The following DMD variants were observed in gnomAD, a reference collection of about 807,000 sequenced individuals.
The protein encoded by DMD is mutant dystrophin.
A neutral mutation model predicts 330.1 loss-of-function variants in DMD; 63 were observed. The ratio of observed to expected loss-of-function variants is 0.19; its 90% CI spans 0.16 to 0.24. DMD has a LOEUF of 0.24. DMD is among the 10% of genes least tolerant of loss of function. The pLI is 1.00. For synonymous variants in DMD, 1,223 were observed against 959.8 expected, an observed-to-expected ratio of 1.27 and a Z score of -5.07; for missense variants, 3,344 against 2,684.1, an observed-to-expected ratio of 1.25 and a Z score of -5.43.
At chrX:32,815,520 T>TACACACACACAC (rs1557051739) in intron 6 of DMD, among the ~76,000 whole-genome samples, 7 of 78,916 alleles carry the variant, frequency 8.9e-5, no homozygotes, top group African/African-American at 3.2e-4. Flanking sequence ...TATATATATA[T>TACACACACACAC]ACACACACAC....
intron 4 of DMD, among the ~76,000 whole-genome samples, chrX:32,828,605 A>G (rs1193502073): frequency 1.8e-5 from 2 of 109,955 alleles, no homozygotes; most frequent in African/African-American, 6.6e-5. Flanking sequence ...ACATATATAC[A>G]TATGTATACA....
At chrX:31,951,200 T>C (rs926400705) in intron 45 of DMD, among the ~76,000 whole-genome samples, 1 of 98,936 alleles carries the variant, frequency 1.0e-5, no homozygotes, top group African/African-American at 3.7e-5. Context: ...TTAATAGATA[T>C]CTTATACATA....
At chrX:32,137,352 A>G in intron 44 of DMD, among the ~76,000 whole-genome samples, 1 of 111,986 alleles carries the variant, frequency 8.9e-6, no homozygotes, top group East Asian at 2.8e-4. Context: ...ACAGTATAGA[A>G]ACCTAGGGAT....
chrX:31,894,769 C>A (rs73619013), intron 47 of DMD, among the ~76,000 whole-genome samples: 1 of 111,405 alleles, frequency 9.0e-6, no homozygotes, highest in South Asian at 3.7e-4. Flanking sequence ...GTAGATACTG[C>A]GACTTTGTAA....
At chrX:33,019,175 C>G (rs1489157335) in intron 2 of DMD, among the ~76,000 whole-genome samples, 1 of 111,388 alleles carries the variant, frequency 9.0e-6, no homozygotes, top group African/African-American at 3.3e-5. Flanking sequence ...AAATCAGACC[C>G]ATAGAGGGAG....
Position 31,836,718 on chromosome X carries a change from C to T in DMD, c.7200G>A (p.Lys2400=). The change falls in exon 49 of 79, where the codon AAG becomes AAA. Residue 2400 remains lysine (K), a splice_region_variant and synonymous_variant. Coordinates refer to ENST00000357033, the MANE Select transcript of DMD (RefSeq NM_004006.3). The stretch of plus-strand genomic sequence containing the variant: ...ATATTGCTAGAGGTTGCTTCATTAC[C>T]TTCACTGGCTGAGTGGCTGGTTTTT... The part of the protein sequence containing the change: ...YKEKPATQPV[K]RKLEDLSSEW... 1.7e-6 allele frequency: 2 copies of T among 1,207,142 alleles called. No homozygotes were observed. Among genetic ancestry groups the T allele is most frequent in the Non-Finnish European group, 2.2e-6 (2 of 891,237 alleles).
chrX:31,431,400 G>T (rs1210369866), intron 60 of DMD, among the ~76,000 whole-genome samples: 2 of 111,184 alleles, frequency 1.8e-5, no homozygotes, highest in Admixed American at 9.6e-5. Context: ...TGATGATTAT[G>T]ATTATTATTA....
chrX:31,875,904 TTTC>T (rs768488923), intron 47 of DMD, among the ~76,000 whole-genome samples: 62 of 112,579 alleles, frequency 5.5e-4, no homozygotes, highest in Non-Finnish European at 5.2e-4. Context: ...ATAGCAATCA[TTTC>T]TTCTACTATA....
intron 52 of DMD, among the ~76,000 whole-genome samples, chrX:31,679,795 T>C (rs1414193189): frequency 8.9e-6 from 1 of 112,146 alleles, no homozygotes; most frequent in Non-Finnish European, 1.9e-5. Flanking sequence ...GAAGGTGACA[T>C]AGAACATCAA....
intron 44 of DMD, among the ~76,000 whole-genome samples, chrX:32,176,468 T>C: frequency 8.9e-6 from 1 of 112,147 alleles, no homozygotes; most frequent in East Asian, 2.8e-4. Flanking sequence ...GCTCCTAATA[T>C]GGTTGGGTTG....
intron 1 of DMD, among the ~76,000 whole-genome samples, chrX:33,282,973 T>C (rs1377825915): frequency 1.8e-5 from 2 of 112,255 alleles, no homozygotes; most frequent in Non-Finnish European, 1.9e-5. Flanking sequence ...TGATGGCCTC[T>C]TGTTTTGTTT....
At chrX:31,863,325 T>A (rs745731208) in intron 48 of DMD, among the ~76,000 whole-genome samples, 6 of 112,120 alleles carry the variant, frequency 5.4e-5, no homozygotes, top group East Asian at 2.8e-4. Flanking sequence ...CCTGGGCGAC[T>A]GAGCAAGACT....
intron 47 of DMD, among the ~76,000 whole-genome samples, chrX:31,879,587 C>T (rs748962703): frequency 8.9e-6 from 1 of 112,161 alleles, no homozygotes; most frequent in Non-Finnish European, 1.9e-5. Context: ...CATTATTATT[C>T]TGGTATAACA....
chrX:31,831,747 T>C lies in DMD; in HGVS notation c.7200+4971A>G, dbSNP rs375661639. Among the ~76,000 whole-genome samples, 392 of 110,722 alleles carry C rather than the reference T, an allele frequency of 3.5e-3. 2 individuals carry two copies. The highest frequency in any genetic ancestry group is 5.2e-3 in the Non-Finnish European group (277 of 52,963). ...CCGAGTAGCTGGGACTACAGATGCC[T>C]GCCACCAAGCCCGGCTAATTTTGTT... is the stretch of plus-strand genomic sequence containing the variant. On this transcript the variant is annotated intron_variant, in intron 49 of 78. Transcript: ENST00000357033.
intron 44 of DMD, among the ~76,000 whole-genome samples, chrX:32,028,689 A>C (rs1749631785): frequency 9.0e-6 from 1 of 111,528 alleles, no homozygotes; most frequent in Admixed American, 9.5e-5. Flanking sequence ...GTCCTTCTTG[A>C]AGTGAACTGA....
chrX:31,715,526 G>C (rs1217998797), intron 52 of DMD, among the ~76,000 whole-genome samples: 1 of 85,960 alleles, frequency 1.2e-5, no homozygotes, highest in African/African-American at 4.5e-5. Flanking sequence ...CTGGGCGACA[G>C]AGCGAAACTC....
chrX:31,428,652 G>C (rs1223777170), intron 60 of DMD, among the ~76,000 whole-genome samples: 2 of 111,839 alleles, frequency 1.8e-5, no homozygotes, highest in Admixed American at 1.9e-4. Flanking sequence ...CATTCTTGGT[G>C]AACTGTCCAC....
chrX:33,015,270 C>T (rs995758414), intron 2 of DMD, among the ~76,000 whole-genome samples: 6 of 111,699 alleles, frequency 5.4e-5, no homozygotes, highest in African/African-American at 1.6e-4. Flanking sequence ...CTCAAATGCC[C>T]GTCAATGATA....
In DMD at chrX:31,173,595, C is replaced by T. The variant is rs1400465644; in HGVS notation, c.10272G>A (p.Ser3424=). The T allele has an allele frequency of 1.7e-5, 20 of 1,207,634 alleles. No homozygotes were observed. Among genetic ancestry groups the T allele is most frequent in the Non-Finnish European group, 2.1e-5 (19 of 893,462 alleles). The change falls in exon 72 of 79, where the codon TCG becomes TCA. Residue 3424 remains serine, a synonymous_variant. Coordinates refer to ENST00000357033, the MANE Select transcript of DMD (RefSeq NM_004006.3). The part of the protein sequence containing the change: ...NFWPVDSAPA[S]SPQLSHDDTH... ...TATCATCGTGTGAAAGCTGAGGGGA[C>T]GAGGCAGGCCTATAAGGCAGAAAAT...
Sources: allele counts gnomAD v4.1 joint callset (sites outside exome capture counted in the v4.1 genomes callset), GRCh38; gene constraint gnomAD v4.1.1; transcripts MANE v1.5; gene names NCBI Gene and HGNC (gene_info 2026-07-23, HGNC 2026-07-21).